Variants in CDCA2 observed in about 807,000 individuals in gnomAD.
CDCA2 encodes cell division cycle associated 2.
A neutral mutation model predicts 67.0 loss-of-function variants in CDCA2; 44 were observed. The ratio of observed to expected loss-of-function variants is 0.66; its 90% CI spans 0.52 to 0.84. The LOEUF (loss-of-function observed/expected upper bound fraction) is 0.84. Ranked by LOEUF, CDCA2 falls within the 40% of genes least tolerant of loss-of-function variation. CDCA2 has a pLI of 0.00. For synonymous variants in CDCA2, 447 were observed against 418.7 expected (o/e 1.07, Z -0.82); for missense variants, 1,253 against 1,203.2 (o/e 1.04, Z -0.61).
At chr8:25,460,644 A>G (rs1802646045) in intron 3 of CDCA2, 90 bp downstream of exon 3, 2 of 1,351,642 alleles carry the variant, frequency 1.5e-6, no homozygotes, top group Non-Finnish European at 1.0e-6. Context: ...ACGTACTGTC[A>G]TATTTTAGGT....
rs1563273787 is a variant in CDCA2, at chr8:25,485,776, T to TC, written c.1384dup (p.Gln462ProfsTer11). On this transcript the variant is annotated frameshift_variant, in exon 11 of 15. Transcript: ENST00000330560. LOFTEE classifies it high-confidence loss of function. ...TTGTTTAGGAAAACATAGAACCACT[T>TC]CAAGTATCATTTGCCGTTCTCAGTT... is the stretch of plus-strand genomic sequence containing the variant. 1 of 1,606,494 alleles carries TC rather than the reference T, an allele frequency of 6.2e-7. No homozygotes were observed.
Position 25,479,920 on chromosome 8 carries a change from G to T in CDCA2, c.828G>T (p.Lys276Asn), listed in dbSNP as rs1193133046. 1.2e-6 allele frequency: 2 copies of T among 1,614,126 alleles called. No individual in the cohort carries two copies. The highest frequency in any genetic ancestry group is 3.3e-5 in the Admixed American group (2 of 60,010). ...TACATGTTTATCTTGAAGCACTAAA[G>T]GTTGCTGACTGTGTAGTGGGCAAAG... Reference protein sequence around the residue: ...SELTETSNALKVADCVVGKGS... With the variant: ...SELTETSNALNVADCVVGKGS... Residue 276 changes from lysine to asparagine, a missense_variant, in exon 8 of 15, where the codon AAG (lysine) becomes AAT (asparagine). Transcript: ENST00000330560.
At chr8:25,497,303 C>G (rs1804261240) in intron 13 of CDCA2, among the ~76,000 whole-genome samples, 1 of 152,008 alleles carries the variant, frequency 6.6e-6, no homozygotes, top group Admixed American at 6.6e-5. Context: ...GTTACAGACT[C>G]AAGCTGAGTA....
chr8:25,482,409 A>C (rs1484677755), intron 8 of CDCA2, among the ~76,000 whole-genome samples: 1 of 152,170 alleles, frequency 6.6e-6, no homozygotes, highest in African/African-American at 2.4e-5. Context: ...CTGACACCAT[A>C]TATGGTACTT....
At chr8:25,483,313 C>T in intron 8 of CDCA2, 86 bp from the exon 9 acceptor site, 1 of 738,314 alleles carries the variant, frequency 1.4e-6, no homozygotes, top group Non-Finnish European at 2.1e-6. Flanking sequence ...CTGCAGTTGA[C>T]AGAGAATTTC....
chr8:25,480,178 C>T (rs986470421), intron 8 of CDCA2, 54 bp downstream of exon 8: 1 of 1,347,690 alleles, frequency 7.4e-7, no homozygotes, highest in African/African-American at 1.4e-5. Context: ...CATTTTGCTT[C>T]AAAGTAATAC....
At chr8:25,477,198 T>C (rs192998594) in intron 7 of CDCA2, among the ~76,000 whole-genome samples, 12 of 152,312 alleles carry the variant, frequency 7.9e-5, no homozygotes, top group African/African-American at 2.9e-4. Context: ...CTTGATGTCT[T>C]AGCAGCACTA....
At chr8:25,501,190 G>A (rs1328789753) in intron 13 of CDCA2, among the ~76,000 whole-genome samples, 1 of 152,122 alleles carries the variant, frequency 6.6e-6, no homozygotes, top group Admixed American at 6.5e-5. Flanking sequence ...CATGTTAAAT[G>A]TACACTGTAA....
upstream of CDCA2, chr8:25,458,964 G>C (rs1019024213): frequency 6.6e-6 from 1 of 152,406 alleles, no homozygotes; most frequent in Non-Finnish European, 1.5e-5. Context: ...AGCGCTAAGA[G>C]AAGCGTTACT....
chr8:25,466,346 C>A, intron 5 of CDCA2, 21 bp downstream of exon 5: 2 of 1,561,778 alleles, frequency 1.3e-6, no homozygotes, highest in Non-Finnish European at 1.7e-6. Flanking sequence ...ATAATTCGTT[C>A]AGTTTTGACT....
At chr8:25,483,066 G>A (rs1386466109) in intron 8 of CDCA2, among the ~76,000 whole-genome samples, 1 of 152,050 alleles carries the variant, frequency 6.6e-6, no homozygotes, top group African/African-American at 2.4e-5. Context: ...TAGATATTGA[G>A]CAATGACCAT....
intron 7 of CDCA2, among the ~76,000 whole-genome samples, chr8:25,478,699 A>G (rs1395558616): frequency 6.6e-6 from 1 of 151,952 alleles, no homozygotes; most frequent in Non-Finnish European, 1.5e-5. Flanking sequence ...AGGTCTTTGC[A>G]CTTGGCTTTG....
intron 10 of CDCA2, among the ~76,000 whole-genome samples, chr8:25,485,242 A>G (rs991542798): frequency 1.3e-5 from 2 of 150,982 alleles, no homozygotes; most frequent in South Asian, 4.1e-4. Flanking sequence ...TATAGTATCC[A>G]CTTCTCATTT....
chr8:25,463,135 T>G (rs932332673), intron 4 of CDCA2, among the ~76,000 whole-genome samples: 5 of 152,202 alleles, frequency 3.3e-5, no homozygotes, highest in Non-Finnish European at 5.9e-5. Context: ...GATTTTTTCA[T>G]GACTACTGTG....
intron 6 of CDCA2, 149 bp downstream of exon 6, chr8:25,468,562 T>TGTGCGTGC (rs1554520637): frequency 4.4e-6 from 2 of 452,694 alleles, no homozygotes; most frequent in Non-Finnish European, 7.8e-6. Context: ...TGTGTGCGTG[T>TGTGCGTGC]GTGTGTGTGT....
intron 14 of CDCA2, among the ~76,000 whole-genome samples, chr8:25,506,048 T>G (rs17053798): frequency 0.052 from 7,964 of 152,292 alleles, 711 homozygotes; most frequent in African/African-American, 0.18. Context: ...GCATGCTGTT[T>G]TAGCTCATAA....
Position 25,469,971 on chromosome 8 carries a change from A to G in CDCA2, c.811A>G (p.Thr271Ala). ...TCTTCCCCTTTCAGAGCTCACAGAG[A>G]CTTCAAATGGTAAGTAATCTTTTCT... ...ESLPLSELTE[T>A]SNALKVADCV... The change falls in exon 7 of 15, where the codon ACT becomes GCT. Residue 271 changes from threonine (T) to alanine (A), a missense_variant. Thr to Ala is a moderately conservative substitution (Grantham distance 58). Transcript: ENST00000330560. 1 of 1,605,082 alleles carries G rather than the reference A, an allele frequency of 6.2e-7. No individual in the cohort carries two copies. Among genetic ancestry groups the G allele is most frequent in the African/African-American group, 1.3e-5 (1 of 74,872 alleles).
rs776748825 is a variant in CDCA2 at position 25,488,544 on chromosome 8, C to A, written c.1534-8C>A. The A allele has an allele frequency of 1.3e-5, 20 of 1,595,726 alleles. No homozygotes were observed. The African/African-American group carries it at 2.4e-4, about 19-fold the overall frequency. Reference sequence around the variant, plus strand: ...TTTACGGTATCCTACTTTACACTTTCTTTATAGCAATTGGTCAGTGTTGTA... The same window carrying A: ...TTTACGGTATCCTACTTTACACTTTATTTATAGCAATTGGTCAGTGTTGTA... On this transcript the variant is annotated splice_region_variant and splice_polypyrimidine_tract_variant and intron_variant, in intron 12 of 14. Transcript: ENST00000330560.
At chr8:25,471,576 C>G (rs1218585380) in intron 7 of CDCA2, among the ~76,000 whole-genome samples, 1 of 152,170 alleles carries the variant, frequency 6.6e-6, no homozygotes, top group African/African-American at 2.4e-5. Context: ...CTTGGCCAGG[C>G]TGGTCTTGAA....
Sources: gnomAD v4.1 joint callset for allele counts (sites outside exome capture counted in the v4.1 genomes callset) on GRCh38, gnomAD v4.1.1 for gene constraint, MANE v1.5 for transcripts, NCBI Gene and HGNC (gene_info 2026-07-23, HGNC 2026-07-21) for gene names.